The following DCP1B variants were observed in gnomAD, a reference collection of about 807,000 sequenced individuals.
DCP1B encodes decapping mRNA 1B, also known as mRNA-decapping enzyme 1B.
A neutral mutation model predicts 60.5 loss-of-function variants in DCP1B; 47 were observed. The ratio of observed to expected loss-of-function variants is 0.78; its 90% confidence interval spans 0.61 to 0.99. DCP1B has a LOEUF of 0.99. Ranked by LOEUF, DCP1B falls within the 50% of genes least tolerant of loss-of-function variation. DCP1B has a pLI of 0.00. For missense variants in DCP1B, 725 were observed against 756.8 expected (o/e 0.96, Z 0.49); for synonymous variants, 267 against 280.3 (o/e 0.95, Z 0.47).
intron 6 of DCP1B, among the ~76,000 whole-genome samples, chr12:1,955,121 T>C (rs1463769524): frequency 6.6e-6 from 1 of 152,212 alleles, no homozygotes; most frequent in Non-Finnish European, 1.5e-5. Context: ...CCTCTCAAAG[T>C]GCTGGGATTA....
chr12:1,974,511 C>G (rs2154459985), intron 3 of DCP1B, among the ~76,000 whole-genome samples: 1 of 152,236 alleles, frequency 6.6e-6, no homozygotes, highest in African/African-American at 2.4e-5. Flanking sequence ...ACAACTCTAC[C>G]ATATACCATT....
chr12:1,946,260 G>A lies in DCP1B; in HGVS notation c.1800C>T (p.Ile600=), dbSNP rs1039037795. 6.2e-7 allele frequency: 1 copy of A among 1,607,830 alleles called. No individual in the cohort carries two copies. The highest frequency in any genetic ancestry group is 8.5e-7 in the Non-Finnish European group (1 of 1,177,676). Reference sequence around the variant, plus strand: ...TCATGCTGAAGAGATAGGCTTCATAGATTATATTTAAGAAGTTGTCATCAT... The same window carrying A: ...TCATGCTGAAGAGATAGGCTTCATAAATTATATTTAAGAAGTTGTCATCAT... ...IQNDDNFLNI[I]YEAYLFSMTQ... The change falls in exon 9 of 9, where the codon ATC becomes ATT. Residue 600 remains isoleucine (I), a synonymous_variant. Transcript: ENST00000280665.
At chr12:1,953,325 A>C (rs763982870) in intron 6 of DCP1B, 37 bp from the exon 7 acceptor site, 2 of 1,521,058 alleles carry the variant, frequency 1.3e-6, no homozygotes, top group Non-Finnish European at 1.8e-6. Context: ...GAGTCTACAA[A>C]CAATTTGGTT....
chr12:1,943,317 C>T (rs532142763), downstream of DCP1B, among the ~76,000 whole-genome samples: 44 of 151,386 alleles, frequency 2.9e-4, no homozygotes, highest in South Asian at 5.6e-3. Flanking sequence ...AGCCTATCAA[C>T]CCAGGACCAG....
intron 8 of DCP1B, 22 bp downstream of exon 8, chr12:1,949,063 AG>A: frequency 6.2e-7 from 1 of 1,604,158 alleles, no homozygotes; most frequent in Non-Finnish European, 8.5e-7. Context: ...TCAGGTGCGA[AG>A]GGAGATGACG....
intron 1 of DCP1B, 131 bp from the exon 2 acceptor site, chr12:1,998,106 T>A: frequency 1.4e-6 from 1 of 697,370 alleles, no homozygotes; most frequent in Non-Finnish European, 2.3e-6. Flanking sequence ...TGAGGAGTTA[T>A]TCTCAGGAAA....
chr12:1,951,224 G>A (rs1706204088), intron 7 of DCP1B, among the ~76,000 whole-genome samples: 1 of 152,110 alleles, frequency 6.6e-6, no homozygotes, highest in South Asian at 2.1e-4. Flanking sequence ...GCAGTGAGCC[G>A]AGATCGCACC....
At chr12:1,959,817 G>C (rs557854464) in intron 5 of DCP1B, among the ~76,000 whole-genome samples, 3 of 151,954 alleles carry the variant, frequency 2.0e-5, no homozygotes, top group Admixed American at 2.0e-4. Flanking sequence ...AAAATTATCC[G>C]GGCATGGTGG....
At chr12:1,993,438 A>G in intron 2 of DCP1B, 47 bp from the exon 3 acceptor site, 1 of 1,589,918 alleles carries the variant, frequency 6.3e-7, no homozygotes, top group African/African-American at 1.3e-5. Context: ...CAAATTGCTT[A>G]GTATGCTATA....
intron 7 of DCP1B, chr12:1,950,512 A>G: frequency 1.5e-6 from 1 of 669,430 alleles, no homozygotes; most frequent in Admixed American, 2.2e-5. Flanking sequence ...AATGAGGGGG[A>G]GTGGGAGTTA....
intron 1 of DCP1B, 91 bp from the exon 2 acceptor site, chr12:1,998,066 A>G (rs1213832823): frequency 1.7e-6 from 2 of 1,168,230 alleles, no homozygotes; most frequent in African/African-American, 1.6e-5. Flanking sequence ...GGAATTATAT[A>G]TAACTTCAAT....
At chr12:1,978,769 T>C (rs2035195208) in intron 3 of DCP1B, among the ~76,000 whole-genome samples, 1 of 152,236 alleles carries the variant, frequency 6.6e-6, no homozygotes, top group Admixed American at 6.5e-5. Context: ...CATATAAACT[T>C]CATATAAATG....
At chr12:1,950,154 C>G (rs2030609712) in intron 7 of DCP1B, 1 of 577,214 alleles carries the variant, frequency 1.7e-6, no homozygotes, top group African/African-American at 1.9e-5. Context: ...AGGAGGCCAG[C>G]AAGCTAGAAG....
intron 3 of DCP1B, among the ~76,000 whole-genome samples, chr12:1,976,609 C>T (rs1279913000): frequency 6.6e-6 from 1 of 152,072 alleles, no homozygotes; most frequent in East Asian, 1.9e-4. Flanking sequence ...TTCTGTTATT[C>T]CTGCAAATAC....
At chr12:1,956,092 C>T (rs549744922) in intron 5 of DCP1B, among the ~76,000 whole-genome samples, 1 of 152,292 alleles carries the variant, frequency 6.6e-6, no homozygotes, top group East Asian at 1.9e-4. Flanking sequence ...TGACTTCTTG[C>T]ATAAACAGAG....
chr12:1,994,466 C>T (rs984186998), intron 2 of DCP1B, among the ~76,000 whole-genome samples: 35 of 152,184 alleles, frequency 2.3e-4, no homozygotes, highest in African/African-American at 8.2e-4. Context: ...CAATCCTTGC[C>T]TAGCTTATTT....
chr12:1,969,603 GC>G (rs2031728557), intron 3 of DCP1B, among the ~76,000 whole-genome samples: 1 of 146,654 alleles, frequency 6.8e-6, no homozygotes, highest in Non-Finnish European at 1.5e-5. Flanking sequence ...TGCTATGAGA[GC>G]TTTTACATCA....
intron 3 of DCP1B, among the ~76,000 whole-genome samples, chr12:1,978,657 T>C (rs532625722): frequency 1.3e-5 from 2 of 152,266 alleles, no homozygotes; most frequent in Non-Finnish European, 2.9e-5. Flanking sequence ...TATCACTCTT[T>C]TCCAGTCAAC....
intron 3 of DCP1B, among the ~76,000 whole-genome samples, chr12:1,977,664 T>C (rs572156713): frequency 6.6e-6 from 1 of 152,354 alleles, no homozygotes; most frequent in South Asian, 2.1e-4. Flanking sequence ...TTATTATCCA[T>C]ACCACTGCCT....
Sources: gnomAD v4.1 joint callset for allele counts (sites outside exome capture counted in the v4.1 genomes callset) on GRCh38, gnomAD v4.1.1 for gene constraint, MANE v1.5 for transcripts, NCBI Gene and HGNC (gene_info 2026-07-23, HGNC 2026-07-21) for gene names.